EDEM1: variants seen among roughly 807,000 people sequenced by gnomAD.
EDEM1 encodes ER degradation enhancing alpha-mannosidase like protein 1.
In EDEM1, 67 loss-of-function variants were observed where a neutral mutation model predicts 74.4. The ratio of observed to expected loss-of-function variants is 0.90; its 90% CI spans 0.74 to 1.10. The LOEUF (loss-of-function observed/expected upper bound fraction) is 1.10. Ranked by LOEUF, EDEM1 falls within the 50% of genes least tolerant of loss-of-function variation. EDEM1 has a pLI of 0.00. For missense variants in EDEM1, 926 were observed against 851.6 expected, an observed-to-expected ratio of 1.09 and a Z score of -1.09; for synonymous variants, 382 against 335.9, an observed-to-expected ratio of 1.14 and a Z score of -1.50.
intron 2 of EDEM1, among the ~76,000 whole-genome samples, chr3:5,198,338 G>A (rs1372463896): frequency 6.6e-6 from 1 of 152,186 alleles, no homozygotes; most frequent in Non-Finnish European, 1.5e-5. Flanking sequence ...CTGAGCCACC[G>A]TGTCCAGCCG....
intron 1 of EDEM1, 144 bp downstream of exon 1, chr3:5,188,458 T>A: frequency 1.1e-6 from 1 of 922,152 alleles, no homozygotes; most frequent in Non-Finnish European, 1.4e-6. Flanking sequence ...CCCTGTCCCG[T>A]GTGAGTCCCT....
intron 1 of EDEM1, among the ~76,000 whole-genome samples, chr3:5,189,989 GTT>G (rs1156615982): frequency 7.8e-5 from 6 of 77,300 alleles, no homozygotes; most frequent in East Asian, 4.1e-4. Context: ...TTCTTTCTTA[GTT>G]TTTTTTTTGG....
rs149445725 is a variant in EDEM1, at chr3:5,206,878, A to G, written c.1218-275A>G. Among the ~76,000 whole-genome samples, 208 of 152,296 alleles carry G rather than the reference A, an allele frequency of 1.4e-3. 1 individual carries two copies. Among genetic ancestry groups the G allele is most frequent in the African/African-American group, 4.9e-3 (203 of 41,560 alleles). On this transcript the variant is annotated intron_variant, in intron 6 of 11. Transcript: ENST00000256497. ...TTCTCTTATGTGGCAGGGCTCTTAAACCCAAAGCTCAAAGTGCTTTCTGCA... is the reference window on the plus strand; with the variant it reads ...TTCTCTTATGTGGCAGGGCTCTTAAGCCCAAAGCTCAAAGTGCTTTCTGCA...
chr3:5,190,775 A>G (rs954901451), intron 1 of EDEM1, among the ~76,000 whole-genome samples: 12 of 152,316 alleles, frequency 7.9e-5, no homozygotes, highest in African/African-American at 2.6e-4. Flanking sequence ...GAAGCCTTGC[A>G]TGGACGCCTC....
intron 1 of EDEM1, among the ~76,000 whole-genome samples, chr3:5,190,555 G>C (rs1275181049): frequency 6.6e-6 from 1 of 152,210 alleles, no homozygotes; most frequent in Non-Finnish European, 1.5e-5. Flanking sequence ...CTTTATTTCA[G>C]GATGAAGGCT....
At chr3:5,202,044 G>C (rs2055041067) in intron 4 of EDEM1, 120 bp downstream of exon 4, 3 of 1,258,560 alleles carry the variant, frequency 2.4e-6, no homozygotes, top group Non-Finnish European at 2.2e-6. Context: ...GAAAAGCAGT[G>C]TCCTTAGAAG....
In EDEM1 at chr3:5,213,434, TCTC is replaced by T; in HGVS notation, c.1797_1799del (p.Ser600del). On this transcript the variant is annotated inframe_deletion, in exon 11 of 12. Transcript: ENST00000256497. ...CGGGAATTGCCATGGAAGGAATTCT[TCTC>T]TGAAGAGGGAGGGCAGGACCAAGGG... 1 of 1,614,146 alleles carries T rather than the reference TCTC, an allele frequency of 6.2e-7. No homozygotes were observed.
chr3:5,208,392 C>G (rs940687596), intron 8 of EDEM1, 129 bp downstream of exon 8: 45 of 1,107,808 alleles, frequency 4.1e-5, no homozygotes, highest in South Asian at 7.5e-5. Context: ...TGAGTTACCC[C>G]CTATCCGTAG....
At chr3:5,194,330 A>G (rs1210334016) in intron 1 of EDEM1, among the ~76,000 whole-genome samples, 1 of 152,076 alleles carries the variant, frequency 6.6e-6, no homozygotes, top group African/African-American at 2.4e-5. Flanking sequence ...GAATGGGACA[A>G]ATAAATAAAT....
In EDEM1 at chr3:5,207,292, T is replaced by G; in HGVS notation, c.1338+19T>G. 1 of 1,613,334 alleles carries G rather than the reference T, an allele frequency of 6.2e-7. No homozygotes were observed. ...ACTGCAGGTATTTTGCCATCAGATT[T>G]CCTAAGAATAACCAATCACCAGAAA... On this transcript the variant is annotated intron_variant, in intron 7 of 11. Coordinates refer to ENST00000256497, the MANE Select transcript of EDEM1 (RefSeq NM_014674.3).
At chr3:5,207,584 G>A (rs982018748) in intron 7 of EDEM1, among the ~76,000 whole-genome samples, 1 of 152,160 alleles carries the variant, frequency 6.6e-6, no homozygotes, top group Non-Finnish European at 1.5e-5. Flanking sequence ...TTGGCTCACT[G>A]CAACCTCCGC....
Position 5,205,256 on chromosome 3 carries a change from C to CG in EDEM1, c.1217+15_1217+16insG, listed in dbSNP as rs2055082673. 6.2e-6 allele frequency: 10 copies of CG among 1,606,916 alleles called. No individual in the cohort carries two copies. Among genetic ancestry groups the CG allele is most frequent in the Non-Finnish European group, 8.5e-6 (10 of 1,176,424 alleles). On this transcript the variant is annotated intron_variant, in intron 6 of 11. Coordinates refer to ENST00000256497, the MANE Select transcript of EDEM1 (RefSeq NM_014674.3). The stretch of plus-strand genomic sequence containing the variant: ...TTAAGAAGAGGGTATGTCTCCCTAA[C>CG]ATCTCCTCTGTTGCCTTGTAAAGCA...
At chr3:5,193,360 T>C (rs189318745) in intron 1 of EDEM1, among the ~76,000 whole-genome samples, 109 of 152,340 alleles carry the variant, frequency 7.2e-4, no homozygotes, top group African/African-American at 2.6e-3. Flanking sequence ...CTTGCACTTT[T>C]TGTACCTTTT....
chr3:5,201,628 GTC>G (rs1400504462), intron 3 of EDEM1, 123 bp from the exon 4 acceptor site: 3 of 1,070,506 alleles, frequency 2.8e-6, no homozygotes, highest in Non-Finnish European at 4.1e-6. Context: ...ATTAAGTCAG[GTC>G]TCTCTGACGT....
rs2054849500 is a variant in EDEM1 at position 5,188,101 on chromosome 3, A to G, written c.296A>G (p.Asn99Ser). Residue 99 changes from asparagine to serine, a missense_variant, in exon 1 of 12, where the codon AAC becomes AGC. Coordinates refer to ENST00000256497, the MANE Select transcript of EDEM1 (RefSeq NM_014674.3). ...RPGPGMCGPA[N>S]WGYVLGGRGR... Reference sequence around the variant, plus strand: ...GGGCCGGGGATGTGCGGCCCAGCCAACTGGGGCTACGTGCTGGGCGGCCGG... The same window carrying G: ...GGGCCGGGGATGTGCGGCCCAGCCAGCTGGGGCTACGTGCTGGGCGGCCGG... 6.6e-7 allele frequency: 1 copy of G among 1,510,776 alleles called. No individual in the cohort carries two copies. The highest frequency in any genetic ancestry group is 8.9e-7 in the Non-Finnish European group (1 of 1,128,712). 93.6% of individuals were successfully genotyped at this position (1,510,776 alleles called of 1,614,324 possible).
chr3:5,190,161 C>G (rs2106584312), intron 1 of EDEM1, among the ~76,000 whole-genome samples: 1 of 152,298 alleles, frequency 6.6e-6, no homozygotes, highest in Non-Finnish European at 1.5e-5. Flanking sequence ...AGTTCCTACC[C>G]ATATGTCTAT....
rs1234961701 is a variant in EDEM1 at position 5,207,234 on chromosome 3, C to G, written c.1299C>G (p.Thr433=). ...TGTTCAGTGGGCAGCTGATGAACACCTGGATTGACTCTCTGCAGGCCTTTT... is the reference window on the plus strand; with the variant it reads ...TGTTCAGTGGGCAGCTGATGAACACGTGGATTGACTCTCTGCAGGCCTTTT... ...VNMFSGQLMN[T]WIDSLQAFFP... The change falls in exon 7 of 12, where the codon ACC becomes ACG. Residue 433 remains threonine (T), a synonymous_variant. Transcript: ENST00000256497. 1 of 1,614,050 alleles carries G rather than the reference C, an allele frequency of 6.2e-7. No individual in the cohort carries two copies. Among genetic ancestry groups the G allele is most frequent in the East Asian group, 2.2e-5 (1 of 44,894 alleles).
At chr3:5,212,493 G>A (rs908814754) in intron 10 of EDEM1, among the ~76,000 whole-genome samples, 1 of 152,230 alleles carries the variant, frequency 6.6e-6, no homozygotes, top group East Asian at 1.9e-4. Flanking sequence ...GGTGACCCTG[G>A]AGGGTGTGCT....
intron 2 of EDEM1, among the ~76,000 whole-genome samples, chr3:5,197,188 T>C (rs1320440456): frequency 6.6e-6 from 1 of 152,072 alleles, no homozygotes; most frequent in African/African-American, 2.4e-5. Flanking sequence ...TGCAAATGTT[T>C]GTTCAAAAAA....
Sources: gnomAD v4.1 joint callset for allele counts (sites outside exome capture counted in the v4.1 genomes callset) on GRCh38, gnomAD v4.1.1 for gene constraint, MANE v1.5 for transcripts, NCBI Gene and HGNC (gene_info 2026-07-23, HGNC 2026-07-21) for gene names.